LRRTM4: variants seen among roughly 807,000 people sequenced by gnomAD.
LRRTM4 encodes leucine rich repeat transmembrane neuronal 4.
In LRRTM4, 25 loss-of-function variants were observed where a neutral mutation model predicts 47.6. The observed-to-expected ratio is 0.53, with a 90% CI of 0.38 to 0.73. The LOEUF (loss-of-function observed/expected upper bound fraction) is 0.73, where lower values mean the gene tolerates loss of function less well. LRRTM4 is among the 30% of genes least tolerant of loss of function. The pLI is 0.00. For missense variants in LRRTM4, 638 were observed against 713.4 expected, an observed-to-expected ratio of 0.89 and a Z score of 1.20; for synonymous variants, 311 against 269.5, an observed-to-expected ratio of 1.15 and a Z score of -1.51.
At chr2:76,749,917 A>G (rs192134724) in intron 3 of LRRTM4, among the ~76,000 whole-genome samples, 76 of 152,308 alleles carry the variant, frequency 5.0e-4, no homozygotes, top group Admixed American at 2.2e-3. Context: ...ATTGCCCTGT[A>G]AGGTTAGATG....
chr2:76,829,515 T>A (rs1671275525), intron 3 of LRRTM4, among the ~76,000 whole-genome samples: 1 of 140,060 alleles, frequency 7.1e-6, no homozygotes, highest in East Asian at 2.4e-4. Context: ...TAATCTCTAA[T>A]TACATACTGT....
At chr2:77,517,457 G>A (rs1679253993) in intron 3 of LRRTM4, 1 of 984,902 alleles carries the variant, frequency 1.0e-6, no homozygotes. Context: ...TCCCTGTTAT[G>A]ACTGCCATTT....
chr2:76,789,704 G>C (rs1301074516), intron 3 of LRRTM4, among the ~76,000 whole-genome samples: 1 of 152,136 alleles, frequency 6.6e-6, no homozygotes, highest in Non-Finnish European at 1.5e-5. Flanking sequence ...TCATGAGGGA[G>C]GAGTGTTAAT....
At chr2:77,457,648 C>T (rs13030949) in intron 3 of LRRTM4, among the ~76,000 whole-genome samples, 30,843 of 151,996 alleles carry the variant, frequency 0.2, 3,242 homozygotes, top group Middle Eastern at 0.25. Context: ...TGTAATCTTC[C>T]TACTGTTCAC....
rs533469802 is a variant in LRRTM4, at chr2:77,116,347, A to T, written c.1552-367431T>A. On this transcript the variant is annotated intron_variant, in intron 3 of 3. Coordinates refer to ENST00000409884, the MANE Select transcript of LRRTM4 (RefSeq NM_001134745.3). The stretch of plus-strand genomic sequence containing the variant: ...ACTAAATTTATCCTCTAATATCTTT[A>T]ACAGAAATATAAGAACTCACTCAAA... Among the ~76,000 whole-genome samples, 19 of 152,244 alleles carry T rather than the reference A, an allele frequency of 1.2e-4. No homozygotes were observed. In the East Asian group the frequency reaches 3.7e-3, roughly 29 times the overall value.
intron 3 of LRRTM4, among the ~76,000 whole-genome samples, chr2:76,940,379 C>T (rs764641733): frequency 5.9e-5 from 9 of 152,054 alleles, no homozygotes; most frequent in South Asian, 4.1e-4. Flanking sequence ...AGCAAACTGA[C>T]GCAGGAACAG....
intron 3 of LRRTM4, among the ~76,000 whole-genome samples, chr2:77,145,925 T>A (rs1672250607): frequency 6.6e-6 from 1 of 152,124 alleles, no homozygotes; most frequent in Non-Finnish European, 1.5e-5. Flanking sequence ...CGAAAAAAAA[T>A]TTAAGATCAA....
At chr2:77,113,052 C>T (rs949708690) in intron 3 of LRRTM4, among the ~76,000 whole-genome samples, 4 of 152,004 alleles carry the variant, frequency 2.6e-5, no homozygotes, top group African/African-American at 9.7e-5. Flanking sequence ...GCCTGGGGTG[C>T]GTAATTTATC....
intron 3 of LRRTM4, among the ~76,000 whole-genome samples, chr2:76,795,871 A>G (rs1047385975): frequency 4.6e-5 from 7 of 151,844 alleles, no homozygotes; most frequent in South Asian, 2.1e-4. Flanking sequence ...GCGACGCAGA[A>G]GACGGGTGAT....
chr2:77,469,822 C>T lies in LRRTM4; in HGVS notation c.1551+48496G>A, dbSNP rs188208271. Among the ~76,000 whole-genome samples the T allele has an allele frequency of 4.1e-3, 620 of 152,054 alleles. 7 individuals are homozygous for T. Among genetic ancestry groups the T allele is most frequent in the African/African-American group, 0.014 (591 of 41,482 alleles). On this transcript the variant is annotated intron_variant, in intron 3 of 3. Coordinates refer to ENST00000409884, the MANE Select transcript of LRRTM4 (RefSeq NM_001134745.3). ...CATATTCAAGGGAAACCTTCTTCTT[C>T]TATAGTACTTCATACTCTTGATGAC...
chr2:77,340,555 G>A (rs1028580842), intron 3 of LRRTM4, among the ~76,000 whole-genome samples: 1 of 151,932 alleles, frequency 6.6e-6, no homozygotes, highest in Non-Finnish European at 1.5e-5. Flanking sequence ...TAAATGGATT[G>A]TTGACCTTTA....
rs745467847 is a variant in LRRTM4, at chr2:77,444,932, T to TACACACACACAC, written c.1551+73374_1551+73385dup. On this transcript the variant is annotated intron_variant, in intron 3 of 3. Transcript: ENST00000409884. ...CACATAGGCTCTGTCTCCTTTATTT[T>TACACACACACAC]ACACACACACACACACATACACACA... 2.6e-3 allele frequency among the ~76,000 whole-genome samples: 317 copies of TACACACACACAC among 122,026 alleles called. 3 individuals carry two copies. The highest frequency in any genetic ancestry group is 4.7e-3 in the African/African-American group (155 of 32,636). The allele number at this position is 122,026 out of a possible 152,430, so 80.1% of individuals were successfully genotyped here.
chr2:77,401,327 A>T (rs1348889378), intron 3 of LRRTM4, among the ~76,000 whole-genome samples: 1 of 152,002 alleles, frequency 6.6e-6, no homozygotes, highest in Non-Finnish European at 1.5e-5. Flanking sequence ...TAAATGGTTA[A>T]TCTCTTACCA....
intron 3 of LRRTM4, among the ~76,000 whole-genome samples, chr2:77,124,535 T>G (rs1671605810): frequency 6.6e-6 from 1 of 152,106 alleles, no homozygotes; most frequent in Non-Finnish European, 1.5e-5. Flanking sequence ...AATGAAAGTT[T>G]TCAACAAGGT....
intron 3 of LRRTM4, among the ~76,000 whole-genome samples, chr2:77,378,281 T>G (rs931756541): frequency 9.2e-5 from 14 of 152,090 alleles, no homozygotes; most frequent in Non-Finnish European, 1.8e-4. Context: ...TAACCTGCTT[T>G]TATCAATTTG....
At chr2:76,802,197 C>T (rs7561233) in intron 3 of LRRTM4, among the ~76,000 whole-genome samples, 86,703 of 149,306 alleles carry the variant, frequency 0.58, 25,937 homozygotes, top group East Asian at 0.76. Flanking sequence ...TATTGTCAGA[C>T]GACATGATCT....
At chr2:77,490,563 T>C (rs1678106781) in intron 3 of LRRTM4, among the ~76,000 whole-genome samples, 1 of 152,108 alleles carries the variant, frequency 6.6e-6, no homozygotes, top group South Asian at 2.1e-4. Context: ...GTGACATTTT[T>C]CGTTATGAGA....
chr2:76,914,953 G>A (rs897642204), intron 3 of LRRTM4, among the ~76,000 whole-genome samples: 2 of 152,132 alleles, frequency 1.3e-5, no homozygotes, highest in South Asian at 4.1e-4. Context: ...AAATTAAATG[G>A]TACTCCTTTT....
rs113686969 is a variant in LRRTM4, at chr2:77,373,916, G to A, written c.1551+144402C>T. On this transcript the variant is annotated intron_variant, in intron 3 of 3. Transcript: ENST00000409884. ...TTTCTTATGCCCTTCAGTTGACAGT[G>A]CCAGAAAATCATATAGTGGAAAATG... Among the ~76,000 whole-genome samples, 981 of 151,790 alleles carry A rather than the reference G, an allele frequency of 6.5e-3. 2 individuals are homozygous for A. Among genetic ancestry groups the A allele is most frequent in the South Asian group, 0.011 (52 of 4,824 alleles).
Sources: gnomAD v4.1 joint callset for allele counts (sites outside exome capture counted in the v4.1 genomes callset) on GRCh38, gnomAD v4.1.1 for gene constraint, MANE v1.5 for transcripts, NCBI Gene and HGNC (gene_info 2026-07-23, HGNC 2026-07-21) for gene names.